The following CUX2 variants were observed in gnomAD, a reference collection of about 807,000 sequenced individuals.
CUX2 encodes homeobox protein cut-like 2.
In CUX2, 40 loss-of-function variants were observed where a neutral mutation model predicts 144.8. That is an observed-to-expected ratio of 0.28 (90% CI 0.21 to 0.36). CUX2 has a LOEUF of 0.36. Ranked by LOEUF, CUX2 falls within the 10% of genes least tolerant of loss-of-function variation. The pLI, the probability that CUX2 is intolerant of heterozygous loss-of-function variation, is 1.00. For synonymous variants in CUX2, 827 were observed against 875.6 expected (o/e 0.94, Z 0.98); for missense variants, 1,615 against 1,994.0 (o/e 0.81, Z 3.62).
Position 111,310,441 on chromosome 12 carries a change from G to A in CUX2, c.1659G>A (p.Leu553=), listed in dbSNP as rs1165502759. The change falls in exon 15 of 22, where the codon CTG becomes CTA. Residue 553 remains leucine, a synonymous_variant. Transcript: ENST00000261726. This position sits in a 1 kb window ranked among gnomAD's most constrained non-coding sequence, Gnocchi z 7.9. ...AAGPGAEEEQ[L]DTAEIAFQVK... ...GGCCCGGGGCAGAGGAGGAGCAGCT[G>A]GACACGGCAGAGATCGCCTTCCAGG... The A allele has an allele frequency of 1.2e-6, 2 of 1,613,120 alleles. No homozygotes were observed. The highest frequency in any genetic ancestry group is 2.7e-5 in the African/African-American group (2 of 75,064).
chr12:111,220,978 C>A (rs1266604709), intron 3 of CUX2, among the ~76,000 whole-genome samples: 1 of 138,328 alleles, frequency 7.2e-6, no homozygotes, highest in Non-Finnish European at 1.6e-5. Flanking sequence ...AGGATTCAAA[C>A]ACTTCAGCAG....
chr12:111,078,619 A>G (rs1017294406), intron 1 of CUX2, among the ~76,000 whole-genome samples: 14 of 152,148 alleles, frequency 9.2e-5, no homozygotes, highest in African/African-American at 3.4e-4. Flanking sequence ...GCAGCGAGCT[A>G]TGATCGTGCC....
rs767749808 is a variant in CUX2 at position 111,034,274 on chromosome 12, A to C, written c.63+34A>C. The C allele has an allele frequency of 7.0e-6, 9 of 1,290,184 alleles. No individual in the cohort carries two copies. The East Asian group carries it at 1.8e-4, about 26-fold the overall frequency. 79.9% of individuals were successfully genotyped at this position (1,290,184 alleles called of 1,614,324 possible). A position where few individuals can be genotyped will look rare whatever the true frequency, so the allele number is the denominator to read the frequency against. ...GGGCAGCGCCGGCCGCGCGGCCGTG[A>C]GGAGCCCCCGGGCGCGCCCTGGGCG... is the stretch of plus-strand genomic sequence containing the variant. On this transcript the variant is annotated intron_variant, in intron 1 of 21. Transcript: ENST00000261726. This position sits in a 1 kb window ranked among gnomAD's most constrained non-coding sequence, Gnocchi z 4.2.
intron 1 of CUX2, among the ~76,000 whole-genome samples, chr12:111,111,640 G>A (rs895955704): frequency 1.3e-5 from 2 of 152,116 alleles, no homozygotes; most frequent in African/African-American, 4.8e-5. Context: ...CCATTCCCAG[G>A]AATTTAATAG....
At chr12:111,330,730 T>TATATATATACATATAC (rs1888081073) in intron 18 of CUX2, among the ~76,000 whole-genome samples, 3 of 51,570 alleles carry the variant, frequency 5.8e-5, no homozygotes, top group East Asian at 6.7e-4. Context: ...TATATATATA[T>TATATATATACATATAC]ATATATATAT....
At chr12:111,140,764 C>T (rs11838103) in intron 1 of CUX2, among the ~76,000 whole-genome samples, 2,151 of 152,316 alleles carry the variant, frequency 0.014, 58 homozygotes, top group African/African-American at 0.049. Context: ...AACGTGAACT[C>T]GAAAGCTGTG....
Position 111,077,271 on chromosome 12 carries a change from C to T in CUX2, c.63+43031C>T, listed in dbSNP as rs1871589646. On this transcript the variant is annotated intron_variant, in intron 1 of 21. Coordinates refer to ENST00000261726, the MANE Select transcript of CUX2 (RefSeq NM_015267.4). The surrounding 1 kb of genome is among the most constrained non-coding windows in gnomAD (Gnocchi z 4.1). ...CCCTGCTTGGGGAGTTGAAAGAGGC[C>T]TTTCCTTGAAACGCGCAGCCGTGTG... is the stretch of plus-strand genomic sequence containing the variant. 6.6e-6 allele frequency among the ~76,000 whole-genome samples: 1 copy of T among 152,222 alleles called. No homozygotes were observed. The highest frequency in any genetic ancestry group is 2.4e-5 in the African/African-American group (1 of 41,454).
chr12:111,070,045 G>C (rs1277991809), intron 1 of CUX2, among the ~76,000 whole-genome samples: 1 of 152,176 alleles, frequency 6.6e-6, no homozygotes, highest in Non-Finnish European at 1.5e-5. Context: ...GGAGCTCCTG[G>C]CCGCAGAGCT....
intron 4 of CUX2, among the ~76,000 whole-genome samples, chr12:111,282,604 C>A (rs1885168110): frequency 7.5e-6 from 1 of 133,704 alleles, no homozygotes; most frequent in African/African-American, 2.9e-5. Flanking sequence ...CCAGCCTGGG[C>A]AACAAGCGTG....
At chr12:111,341,485 G>C (rs1470629166) in intron 20 of CUX2, among the ~76,000 whole-genome samples, 1 of 152,182 alleles carries the variant, frequency 6.6e-6, no homozygotes, top group Admixed American at 6.5e-5. Flanking sequence ...GAATACTGTA[G>C]AGCACCCTGT....
chr12:111,217,577 T>C (rs1234412180), intron 2 of CUX2, among the ~76,000 whole-genome samples: 1 of 152,228 alleles, frequency 6.6e-6, no homozygotes, highest in Non-Finnish European at 1.5e-5. Flanking sequence ...ATATTTCGCA[T>C]AAAAGACCAT....
intron 4 of CUX2, among the ~76,000 whole-genome samples, chr12:111,290,727 T>A (rs1468451696): frequency 6.6e-6 from 1 of 152,062 alleles, no homozygotes; most frequent in Non-Finnish European, 1.5e-5. Flanking sequence ...GCGCCCAGAC[T>A]ATTTTTTAAA....
intron 4 of CUX2, among the ~76,000 whole-genome samples, chr12:111,283,070 T>C (rs1885201105): frequency 6.6e-6 from 1 of 151,772 alleles, no homozygotes; most frequent in Non-Finnish European, 1.5e-5. Context: ...AAAAAAAAAT[T>C]AGCCAGGTGT....
chr12:111,181,273 C>T (rs959678160), intron 1 of CUX2, among the ~76,000 whole-genome samples: 3 of 152,180 alleles, frequency 2.0e-5, no homozygotes, highest in African/African-American at 7.2e-5. Flanking sequence ...ATTGCTCTTC[C>T]GCTGGGCAGG....
At chr12:111,121,209 G>A (rs979491780) in intron 1 of CUX2, among the ~76,000 whole-genome samples, 9 of 150,880 alleles carry the variant, frequency 6.0e-5, no homozygotes, top group Admixed American at 2.0e-4. Context: ...TATAGTCCTC[G>A]CTCCAATAAC....
chr12:111,308,281 G>A lies in CUX2; in HGVS notation c.1110-4G>A, dbSNP rs1409925973. 1 of 1,614,016 alleles carries A rather than the reference G, an allele frequency of 6.2e-7. No homozygotes were observed. Among genetic ancestry groups the A allele is most frequent in the Non-Finnish European group, 8.5e-7 (1 of 1,179,988 alleles). The stretch of plus-strand genomic sequence containing the variant: ...CCTCAGACCCTCTCCACTTGCTCTG[G>A]CAGCATCCTGAAAGCCATGAAGCTG... On this transcript the variant is annotated splice_polypyrimidine_tract_variant and splice_region_variant and intron_variant, in intron 12 of 21. Transcript: ENST00000261726.
chr12:111,109,479 G>A (rs1012835612), intron 1 of CUX2, among the ~76,000 whole-genome samples: 1 of 152,102 alleles, frequency 6.6e-6, no homozygotes, highest in Admixed American at 6.5e-5. Context: ...GGCATGTGGG[G>A]GCCTCTGACC....
chr12:111,174,212 G>T (rs1878707081), intron 1 of CUX2, among the ~76,000 whole-genome samples: 1 of 152,236 alleles, frequency 6.6e-6, no homozygotes, highest in Non-Finnish European at 1.5e-5. Flanking sequence ...CAGGGTGGAA[G>T]TGAGATGGCA....
At chr12:111,118,524 C>T (rs1874432772) in intron 1 of CUX2, among the ~76,000 whole-genome samples, 1 of 152,110 alleles carries the variant, frequency 6.6e-6, no homozygotes, top group African/African-American at 2.4e-5. Context: ...TAACCATTTA[C>T]CAGCATACCA....
Sources: allele counts gnomAD v4.1 joint callset (sites outside exome capture counted in the v4.1 genomes callset), GRCh38; gene constraint gnomAD v4.1.1; non-coding constraint Gnocchi (gnomAD v3.1); transcripts MANE v1.5; gene names NCBI Gene and HGNC (gene_info 2026-07-23, HGNC 2026-07-21).